The following SPMIP11 variants were observed in gnomAD, a reference collection of about 807,000 sequenced individuals.
SPMIP11 encodes sperm microtubule inner protein 11.
the SPMIP11 span, among the ~76,000 whole-genome samples, chr12:48,764,150 T>C: frequency 6.6e-6 from 1 of 151,738 alleles, no homozygotes; most frequent in East Asian, 1.9e-4. Flanking sequence ...GCCCGGCTAA[T>C]TTTTGTATTT....
the SPMIP11 span, among the ~76,000 whole-genome samples, chr12:48,757,050 A>G: frequency 1.3e-5 from 2 of 152,146 alleles, no homozygotes; most frequent in Admixed American, 1.3e-4. Context: ...TGCTGGAATT[A>G]CAGGCATGAG....
the SPMIP11 span, among the ~76,000 whole-genome samples, chr12:48,764,430 G>A: frequency 6.6e-6 from 1 of 152,172 alleles, no homozygotes; most frequent in Non-Finnish European, 1.5e-5. Context: ...TATTAGTTAG[G>A]TTTCAGAGAA....
At chr12:48,763,863 G>GAA in the SPMIP11 span, among the ~76,000 whole-genome samples, 1 of 151,742 alleles carries the variant, frequency 6.6e-6, no homozygotes, top group Admixed American at 6.6e-5. Flanking sequence ...ATTTTTAGTA[G>GAA]AGATGGGTTT....
chr12:48,736,179 GGA>G, the SPMIP11 span: 1 of 407,494 alleles, frequency 2.5e-6, no homozygotes, highest in Non-Finnish European at 4.8e-6. Context: ...CGAGGTGAGT[GGA>G]TTCCTTGAGC....
the SPMIP11 span, among the ~76,000 whole-genome samples, chr12:48,757,900 A>G: frequency 6.6e-6 from 1 of 151,938 alleles, no homozygotes; most frequent in East Asian, 1.9e-4. Flanking sequence ...AGGCTGATGC[A>G]GGAGAATCGC....
the SPMIP11 span, among the ~76,000 whole-genome samples, chr12:48,756,168 C>T: frequency 2.0e-5 from 3 of 152,142 alleles, no homozygotes; most frequent in Non-Finnish European, 2.9e-5. Context: ...CAGGCATGAG[C>T]CACCGTGCCC....
chr12:48,736,422 A>G, the SPMIP11 span, among the ~76,000 whole-genome samples: 1 of 151,658 alleles, frequency 6.6e-6, no homozygotes, highest in Non-Finnish European at 1.5e-5. Flanking sequence ...TCAAAAAAAA[A>G]AAAAAAAAAA....
chr12:48,757,165 T>C, the SPMIP11 span, among the ~76,000 whole-genome samples: 1 of 152,064 alleles, frequency 6.6e-6, no homozygotes, highest in Non-Finnish European at 1.5e-5. Context: ...ACAGAATGGA[T>C]GGAACAGCCA....
the SPMIP11 span, among the ~76,000 whole-genome samples, chr12:48,757,022 C>A: frequency 6.6e-6 from 1 of 152,020 alleles, no homozygotes; most frequent in Non-Finnish European, 1.5e-5. Flanking sequence ...GTGATCCATC[C>A]TCCTCGGCCT....
At chr12:48,755,407 AGTGGAGTTTGGTTATAAAGAGCT>A in the SPMIP11 span, among the ~76,000 whole-genome samples, 1 of 152,190 alleles carries the variant, frequency 6.6e-6, no homozygotes, top group Non-Finnish European at 1.5e-5. Flanking sequence ...ACCTTACCAC[AGTGGAGTTTGGTTATAAAGAGCT>A]CATTGCGTCC....
At chr12:48,768,869 C>T in the SPMIP11 span, 3 of 1,561,034 alleles carry the variant, frequency 1.9e-6, no homozygotes, top group African/African-American at 4.1e-5. Flanking sequence ...TCCTAGCAGA[C>T]TGCAGAGACA....
At chr12:48,756,587 C>T in the SPMIP11 span, among the ~76,000 whole-genome samples, 45 of 152,170 alleles carry the variant, frequency 3.0e-4, no homozygotes, top group South Asian at 8.7e-3. Context: ...GTGGCATCTC[C>T]GCACTCCACC....
the SPMIP11 span, among the ~76,000 whole-genome samples, chr12:48,733,936 A>C: frequency 1.3e-5 from 2 of 151,360 alleles, no homozygotes; most frequent in African/African-American, 4.9e-5. Flanking sequence ...ACACCTGTCT[A>C]ATTTTTATAT....
At chr12:48,746,358 T>G in the SPMIP11 span, among the ~76,000 whole-genome samples, 1 of 147,764 alleles carries the variant, frequency 6.8e-6, no homozygotes, top group African/African-American at 2.5e-5. Flanking sequence ...GCACTATAAT[T>G]CCTTTTTTTT....
the SPMIP11 span, among the ~76,000 whole-genome samples, chr12:48,729,142 C>T: frequency 9.9e-5 from 15 of 152,220 alleles, no homozygotes; most frequent in Non-Finnish European, 1.9e-4. Flanking sequence ...CGGCTCACGC[C>T]TGTAATCCCA....
At chr12:48,739,675 G>C in the SPMIP11 span, among the ~76,000 whole-genome samples, 1 of 152,070 alleles carries the variant, frequency 6.6e-6, no homozygotes, top group Non-Finnish European at 1.5e-5. Context: ...AAGAGAGAAG[G>C]GGTGGGTGGG....
At chr12:48,742,277 C>CTTTTTTTTTTTTTTTTTTTT in the SPMIP11 span, among the ~76,000 whole-genome samples, 19 of 87,222 alleles carry the variant, frequency 2.2e-4, 4 homozygotes, top group East Asian at 3.3e-4. Context: ...CTTTTCTTTT[C>CTTTTTTTTTTTTTTTTTTTT]CTTTTTTTTT....
the SPMIP11 span, among the ~76,000 whole-genome samples, chr12:48,743,284 C>T: frequency 6.7e-6 from 1 of 150,036 alleles, no homozygotes; most frequent in Non-Finnish European, 1.5e-5. Flanking sequence ...GTTCTAGCTA[C>T]TTGGGAGGCT....
chr12:48,755,566 C>A, the SPMIP11 span, among the ~76,000 whole-genome samples: 1 of 152,124 alleles, frequency 6.6e-6, no homozygotes, highest in Admixed American at 6.6e-5. Flanking sequence ...AAGAATATCT[C>A]CCAGCTTGCC....
Sources: gnomAD v4.1 joint callset for allele counts (sites outside exome capture counted in the v4.1 genomes callset) on GRCh38, gnomAD v4.1.1 for gene constraint, MANE v1.5 for transcripts, NCBI Gene and HGNC (gene_info 2026-07-23, HGNC 2026-07-21) for gene names.